The following SLC28A1 variants were observed in gnomAD, a reference collection of about 807,000 sequenced individuals.
SLC28A1 encodes sodium/nucleoside cotransporter 1.
Under a neutral mutation model 74.8 loss-of-function variants are expected in SLC28A1, and 64 were observed. That is an observed-to-expected ratio of 0.86 (90% confidence interval 0.70 to 1.05). SLC28A1 has a LOEUF of 1.05. Ranked by LOEUF, SLC28A1 falls within the 50% of genes least tolerant of loss-of-function variation. The pLI, the probability that SLC28A1 is intolerant of heterozygous loss-of-function variation, is 0.00. For synonymous variants in SLC28A1, 359 were observed against 335.0 expected (o/e 1.07, Z -0.78); for missense variants, 828 against 822.8 (o/e 1.01, Z -0.08).
chr15:84,893,809 C>T (rs1285618698), intron 5 of SLC28A1, among the ~76,000 whole-genome samples: 1 of 152,212 alleles, frequency 6.6e-6, no homozygotes, highest in Admixed American at 6.5e-5. Context: ...ACCACACGGG[C>T]ATTCCTCTCT....
In SLC28A1 at chr15:84,924,097, AC is replaced by A; in HGVS notation, c.1071del (p.Tyr357Ter). ...ATTGCTGGCAGCCTGCTGGGTGCCT[AC>A]ATCTCCTTTGGGGTAGGTAGAGCCC... is the stretch of plus-strand genomic sequence containing the variant. ...ATIAGSLLGAYISFGIDATSL... is the reference protein window; with the variant it reads ...ATIAGSLLGAXISFGIDATSL... On this transcript the variant is annotated frameshift_variant, in exon 12 of 19. Coordinates refer to ENST00000394573, the MANE Select transcript of SLC28A1 (RefSeq NM_004213.5). LOFTEE classifies it high-confidence loss of function. The A allele has an allele frequency of 6.2e-7, 1 of 1,613,336 alleles. No homozygotes were observed. Among genetic ancestry groups the A allele is most frequent in the Non-Finnish European group, 8.5e-7 (1 of 1,179,926 alleles).
At chr15:84,914,335 AGGG>A in intron 9 of SLC28A1, among the ~76,000 whole-genome samples, 1 of 152,166 alleles carries the variant, frequency 6.6e-6, no homozygotes, top group Admixed American at 6.5e-5. Context: ...ACCATCACCT[AGGG>A]AATTTGGTTT....
At chr15:84,954,328 G>A in the SLC28A1 span, among the ~76,000 whole-genome samples, 2 of 152,164 alleles carry the variant, frequency 1.3e-5, no homozygotes, top group African/African-American at 4.8e-5. Context: ...GAGATCGGGG[G>A]TGTTGTTTCC....
chr15:84,916,075 G>T (rs1969047940), intron 9 of SLC28A1, among the ~76,000 whole-genome samples: 1 of 151,382 alleles, frequency 6.6e-6, no homozygotes, highest in South Asian at 2.1e-4. Context: ...CGATTCTCAT[G>T]CCTCAGCCTT....
chr15:84,948,168 C>A (rs1401622764), downstream of SLC28A1, among the ~76,000 whole-genome samples: 1 of 152,158 alleles, frequency 6.6e-6, no homozygotes, highest in Non-Finnish European at 1.5e-5. Flanking sequence ...CTGCCCTCAC[C>A]TCTGCTGCCC....
intron 5 of SLC28A1, among the ~76,000 whole-genome samples, chr15:84,893,279 A>T (rs554670828): frequency 6.6e-6 from 1 of 151,936 alleles, no homozygotes; most frequent in African/African-American, 2.4e-5. Context: ...TGAAGTGCCA[A>T]GCTCACCTCC....
At chr15:84,928,539 T>G (rs537321505) in intron 12 of SLC28A1, among the ~76,000 whole-genome samples, 5,150 of 17,156 alleles carry the variant, frequency 0.3, 911 homozygotes, top group Admixed American at 0.34. Context: ...TCTTTCTTTC[T>G]TTCTTTCTTT....
chr15:84,961,949 A>C, the SLC28A1 span, among the ~76,000 whole-genome samples: 1 of 152,218 alleles, frequency 6.6e-6, no homozygotes. Context: ...GGCTCTTTCA[A>C]GCAGAGAGTG....
chr15:84,925,057 C>T (rs1170153222), intron 12 of SLC28A1, among the ~76,000 whole-genome samples: 3 of 147,444 alleles, frequency 2.0e-5, no homozygotes, highest in Non-Finnish European at 4.5e-5. Flanking sequence ...CGCCCCACCG[C>T]GCCCAGCTAG....
chr15:84,904,065 G>T, intron 6 of SLC28A1, 32 bp from the exon 7 acceptor site: 2 of 1,614,084 alleles, frequency 1.2e-6, no homozygotes, highest in Non-Finnish European at 1.7e-6. Context: ...GTGCAATGCT[G>T]AGGGTAATGG....
At chr15:84,896,173 A>G in intron 6 of SLC28A1, 1 of 154,588 alleles carries the variant, frequency 6.5e-6, no homozygotes, top group Non-Finnish European at 1.4e-5. Flanking sequence ...TGCAACACAC[A>G]CTATCAAAAA....
the SLC28A1 span, among the ~76,000 whole-genome samples, chr15:84,971,948 T>C: frequency 4.6e-5 from 7 of 152,158 alleles, no homozygotes; most frequent in African/African-American, 1.7e-4. Context: ...CACCCAGCCC[T>C]CTTTTCTTTA....
the SLC28A1 span, among the ~76,000 whole-genome samples, chr15:84,972,210 C>T: frequency 1.1e-4 from 16 of 152,188 alleles, no homozygotes; most frequent in African/African-American, 3.9e-4. Context: ...ACTGGCCAGA[C>T]CCAATTAAAA....
the SLC28A1 span, among the ~76,000 whole-genome samples, chr15:84,969,148 T>A: frequency 5.9e-5 from 9 of 152,172 alleles, no homozygotes; most frequent in Non-Finnish European, 1.2e-4. Flanking sequence ...TGTGGCTGAG[T>A]CTCTGCGGAA....
intron 5 of SLC28A1, among the ~76,000 whole-genome samples, chr15:84,892,529 T>G (rs1447187191): frequency 6.6e-6 from 1 of 152,244 alleles, no homozygotes; most frequent in Non-Finnish European, 1.5e-5. Flanking sequence ...CCACTCATCC[T>G]ATTTCCATGT....
the SLC28A1 span, among the ~76,000 whole-genome samples, chr15:84,964,279 G>A: frequency 2.8e-5 from 4 of 145,142 alleles, no homozygotes; most frequent in Non-Finnish European, 4.4e-5. Context: ...TGGGAAGGAA[G>A]GATGGAAGGA....
chr15:84,958,167 G>A, the SLC28A1 span, among the ~76,000 whole-genome samples: 2 of 152,108 alleles, frequency 1.3e-5, no homozygotes, highest in Admixed American at 6.6e-5. Flanking sequence ...AGAGAAAATT[G>A]TTTATATATA....
intron 6 of SLC28A1, among the ~76,000 whole-genome samples, chr15:84,902,731 G>GTTTTT (rs200395938): frequency 4.3e-5 from 6 of 140,010 alleles, no homozygotes; most frequent in Admixed American, 7.1e-5. Context: ...AAGCATTTAA[G>GTTTTT]TTTTTTTTTT....
At chr15:84,888,882 A>C in intron 4 of SLC28A1, 22 bp downstream of exon 4, 3 of 1,525,912 alleles carry the variant, frequency 2.0e-6, no homozygotes, top group Non-Finnish European at 2.7e-6. Flanking sequence ...CTGGAGAGAC[A>C]AGGGCGGGCC....
Sources: gnomAD v4.1 joint callset for allele counts (sites outside exome capture counted in the v4.1 genomes callset) on GRCh38, gnomAD v4.1.1 for gene constraint, MANE v1.5 for transcripts, NCBI Gene and HGNC (gene_info 2026-07-23, HGNC 2026-07-21) for gene names.